The following POLN variants were observed in gnomAD, a reference collection of about 807,000 sequenced individuals.
The protein encoded by POLN is DNA polymerase N.
A neutral mutation model predicts 113.5 loss-of-function variants in POLN; 108 were observed. The ratio of observed to expected loss-of-function variants is 0.95; its 90% CI spans 0.81 to 1.12. The LOEUF is 1.12. POLN is among the 50% of genes most tolerant of loss of function. The probability of loss-of-function intolerance (pLI) is 0.00; values close to 1 mark genes in which losing one functional copy is unlikely to be tolerated. For missense variants in POLN, 1,097 were observed against 1,077.1 expected (o/e 1.02, Z -0.26); for synonymous variants, 386 against 391.5 (o/e 0.99, Z 0.17).
Position 2,081,842 on chromosome 4 carries a change from G to A in POLN, c.2198-99C>T, listed in dbSNP as rs750256520. ...GTCCAGAGGCCACAGAGGGACAGCC[G>A]CACTGCAGTGCAGACTCCAAGCCTC... On this transcript the variant is annotated intron_variant, in intron 21 of 25. Transcript: ENST00000511885. The A allele has an allele frequency of 7.0e-4, 650 of 932,500 alleles. 8 individuals are homozygous for A. The highest frequency in any genetic ancestry group is 4.3e-4 in the Middle Eastern group (2 of 4,638). 57.8% of individuals were successfully genotyped at this position (932,500 alleles called of 1,614,324 possible). A position where few individuals can be genotyped will look rare whatever the true frequency, so the allele number is the denominator to read the frequency against.
In POLN at chr4:2,081,031, C is replaced by A; in HGVS notation, c.2314G>T (p.Ala772Ser). The part of the protein sequence containing the change: ...QAVNFVVQGS[A>S]ADLCKLAMIH... Reference sequence around the variant, plus strand: ...ATGGCCAGCTTGCAGAGGTCAGCAGCGGAGCCTATGGGGCGCGTGGTACTG... The same window carrying A: ...ATGGCCAGCTTGCAGAGGTCAGCAGAGGAGCCTATGGGGCGCGTGGTACTG... Residue 772 changes from alanine to serine, a missense_variant, in exon 23 of 26, where the codon GCT becomes TCT. Physicochemically the swap from Ala to Ser is moderately conservative, Grantham distance 99. Coordinates refer to ENST00000511885, the MANE Select transcript of POLN (RefSeq NM_181808.4). 2 of 1,613,672 alleles carry A rather than the reference C, an allele frequency of 1.2e-6. No individual in the cohort carries two copies. The highest frequency in any genetic ancestry group is 1.7e-6 in the Non-Finnish European group (2 of 1,179,976).
At chr4:2,144,875 C>T (rs1577720550) in intron 16 of POLN, among the ~76,000 whole-genome samples, 1 of 152,086 alleles carries the variant, frequency 6.6e-6, no homozygotes, top group Non-Finnish European at 1.5e-5. Flanking sequence ...ACGATGACCA[C>T]GTTAGGTAGT....
chr4:2,212,663 T>C (rs184619717), intron 4 of POLN, among the ~76,000 whole-genome samples: 2 of 152,176 alleles, frequency 1.3e-5, no homozygotes, highest in Non-Finnish European at 2.9e-5. Context: ...TGGGATTACC[T>C]GTGTGAGCCA....
chr4:2,180,458 T>C (rs1260971640), intron 7 of POLN, among the ~76,000 whole-genome samples: 1 of 152,232 alleles, frequency 6.6e-6, no homozygotes, highest in East Asian at 1.9e-4. Context: ...TTAAATATTA[T>C]ATGTTCAGGC....
intron 16 of POLN, among the ~76,000 whole-genome samples, chr4:2,152,152 C>G (rs1732312235): frequency 6.6e-6 from 1 of 151,384 alleles, no homozygotes; most frequent in Non-Finnish European, 1.5e-5. Flanking sequence ...CCACTTCAGC[C>G]TCTTGAGTAG....
intron 7 of POLN, among the ~76,000 whole-genome samples, chr4:2,189,105 A>G (rs149048403): frequency 6.6e-6 from 1 of 152,364 alleles, no homozygotes; most frequent in African/African-American, 2.4e-5. Flanking sequence ...AAAGCTACAA[A>G]TTAAAAGATA....
At chr4:2,103,498 T>G (rs757590106) in intron 19 of POLN, among the ~76,000 whole-genome samples, 3 of 152,194 alleles carry the variant, frequency 2.0e-5, no homozygotes, top group Non-Finnish European at 4.4e-5. Context: ...TTGGTATTCC[T>G]GAGGTTGAAG....
intron 13 of POLN, among the ~76,000 whole-genome samples, chr4:2,165,805 C>T (rs1577735232): frequency 6.6e-6 from 1 of 151,782 alleles, no homozygotes; most frequent in East Asian, 1.9e-4. Flanking sequence ...GAGACAGTGT[C>T]TCACTCTGTT....
chr4:2,159,227 G>C lies in POLN; in HGVS notation c.1555-16C>G. 6.3e-7 allele frequency: 1 copy of C among 1,576,640 alleles called. No individual in the cohort carries two copies. The highest frequency in any genetic ancestry group is 2.2e-5 in the East Asian group (1 of 44,586). On this transcript the variant is annotated splice_polypyrimidine_tract_variant and intron_variant, in intron 13 of 25. Coordinates refer to ENST00000511885, the MANE Select transcript of POLN (RefSeq NM_181808.4). The stretch of plus-strand genomic sequence containing the variant: ...GAGCATTTAACTAAACATGAAAATA[G>C]ATACTACCAATGTAATTCGTCCATT...
intron 2 of POLN, among the ~76,000 whole-genome samples, chr4:2,235,067 G>A (rs1249683569): frequency 6.6e-6 from 1 of 152,154 alleles, no homozygotes; most frequent in Non-Finnish European, 1.5e-5. Context: ...TGTATTTTTA[G>A]TAGAGATGGG....
In POLN at chr4:2,171,178, G is replaced by A. The variant is rs140423155; in HGVS notation, c.1378C>T (p.Arg460Cys). The change falls in exon 12 of 26, where the codon CGT becomes TGT. Residue 460 changes from arginine (R) to cysteine (C), a missense_variant. Physicochemically the swap from Arg to Cys is radical, Grantham distance 180. Transcript: ENST00000511885. Reference sequence around the variant, plus strand: ...GCTTCTTGCTCCAATTCCTTGAGACGAGCCTGAAAATATGATACACACAAT... The same window carrying A: ...GCTTCTTGCTCCAATTCCTTGAGACAAGCCTGAAAATATGATACACACAAT... ...MEKTSALLGA[R>C]LKELEQEAHF... 38 of 1,610,396 alleles carry A rather than the reference G, an allele frequency of 2.4e-5. 1 individual carries two copies. The African/African-American group carries it at 2.7e-4, about 11-fold the overall frequency.
chr4:2,195,791 G>A (rs562489552), intron 6 of POLN, among the ~76,000 whole-genome samples: 2 of 152,178 alleles, frequency 1.3e-5, no homozygotes, highest in East Asian at 3.9e-4. Flanking sequence ...TGAAGGATAA[G>A]GTAAACAAAA....
rs1318884122 is a variant in POLN, at chr4:2,198,591, T to G, written c.841A>C (p.Ile281Leu). ...GCAGAGTGCTCTATTTGAATGTAGATGCATGGATCATCTGACACAAAGCCC... is the reference window on the plus strand; with the variant it reads ...GCAGAGTGCTCTATTTGAATGTAGAGGCATGGATCATCTGACACAAAGCCC... ...LEGFVSDDPC[I>L]YIQIEHSAIW... Residue 281 changes from isoleucine to leucine, a missense_variant, in exon 6 of 26, where the codon ATC becomes CTC. Transcript: ENST00000511885. 6.2e-7 allele frequency: 1 copy of G among 1,613,976 alleles called. No individual in the cohort carries two copies. Among genetic ancestry groups the G allele is most frequent in the Non-Finnish European group, 8.5e-7 (1 of 1,179,976 alleles).
chr4:2,156,962 C>T, intron 15 of POLN, 109 bp from the exon 16 acceptor site: 1 of 876,502 alleles, frequency 1.1e-6, no homozygotes, highest in South Asian at 1.5e-5. Context: ...CCTCCAGAGG[C>T]CAACAAGCTG....
At chr4:2,080,139 G>T (rs1730369730) in intron 23 of POLN, 1 of 985,604 alleles carries the variant, frequency 1.0e-6, no homozygotes, top group South Asian at 4.7e-5. Context: ...GCTCCCAGAA[G>T]GGGCTCCGGG....
At chr4:2,078,462 ATCT>A (rs370641206) in intron 23 of POLN, 191 of 656,844 alleles carry the variant, frequency 2.9e-4, no homozygotes, top group South Asian at 1.4e-3. Context: ...GGCCAGATGA[ATCT>A]TCTTCTTCTT....
At chr4:2,118,611 G>A (rs1208128405) in intron 19 of POLN, among the ~76,000 whole-genome samples, 3 of 152,178 alleles carry the variant, frequency 2.0e-5, no homozygotes, top group Non-Finnish European at 2.9e-5. Context: ...CATTTACCAA[G>A]TGCCATCCTT....
intron 2 of POLN, chr4:2,240,350 G>C (rs1560106837): frequency 6.2e-7 from 1 of 1,601,104 alleles, no homozygotes; most frequent in Non-Finnish European, 8.5e-7. Flanking sequence ...ATTTTTCCAA[G>C]GAAAATTGCG....
In POLN at chr4:2,198,586, G is replaced by T; in HGVS notation, c.846C>A (p.Tyr282Ter). The change falls in exon 6 of 26, where the codon TAC (tyrosine) becomes TAA (stop). Residue 282 changes from tyrosine to a stop codon, truncating the protein, a stop_gained. Transcript: ENST00000511885. LOFTEE classifies it high-confidence loss of function. Reference sequence around the variant, plus strand: ...AGATAGCAGAGTGCTCTATTTGAATGTAGATGCATGGATCATCTGACACAA... The same window carrying T: ...AGATAGCAGAGTGCTCTATTTGAATTTAGATGCATGGATCATCTGACACAA... ...EGFVSDDPCI[Y>*]IQIEHSAIWD... is the part of the protein sequence containing the mutation. The T allele has an allele frequency of 6.2e-7, 1 of 1,613,876 alleles. No homozygotes were observed. Among genetic ancestry groups the T allele is most frequent in the Non-Finnish European group, 8.5e-7 (1 of 1,179,958 alleles).
Sources: allele counts gnomAD v4.1 joint callset (sites outside exome capture counted in the v4.1 genomes callset), GRCh38; gene constraint gnomAD v4.1.1; transcripts MANE v1.5; gene names NCBI Gene and HGNC (gene_info 2026-07-23, HGNC 2026-07-21).